RRM2: variants seen among roughly 807,000 people sequenced by gnomAD.
RRM2 encodes the protein ribonucleotide reductase regulatory subunit M2, also known as ribonucleoside-diphosphate reductase subunit M2.
Under a neutral mutation model 45.9 loss-of-function variants are expected in RRM2, and 6 were observed. That is an observed-to-expected ratio of 0.13 (90% CI 0.07 to 0.26). The LOEUF is 0.26. Among genes scored for constraint, RRM2 ranks in the 10% least tolerant of loss-of-function variants. RRM2 has a pLI of 1.00. For missense variants in RRM2, 343 were observed against 489.5 expected (o/e 0.70, Z 2.82); for synonymous variants, 177 against 173.0 (o/e 1.02, Z -0.18).
rs1360092432 is a variant in RRM2, at chr2:10,170,740, G to A, written n.482+28365G>A. 1.6e-4 allele frequency among the ~76,000 whole-genome samples: 24 copies of A among 152,246 alleles called. No individual in the cohort carries two copies. In the East Asian group the frequency reaches 3.9e-3, roughly 24 times the overall value. On this transcript the variant is annotated intron_variant and non_coding_transcript_variant, in intron 3 of 3. Coordinates refer to the RRM2 transcript ENST00000381786. Reference sequence around the variant, plus strand: ...GCTGGAAGGGGGTGTGCAGGCTCCCGTGTGCCTGGCACAGCAGGGGCAGCA... The same window carrying A: ...GCTGGAAGGGGGTGTGCAGGCTCCCATGTGCCTGGCACAGCAGGGGCAGCA...
At chr2:10,163,221 A>G (rs1663605330) in intron 3 of RRM2, among the ~76,000 whole-genome samples, 1 of 152,092 alleles carries the variant, frequency 6.6e-6, no homozygotes, top group South Asian at 2.1e-4. Flanking sequence ...AAATCAGGAC[A>G]ATTAGCTCTT....
At chr2:10,210,623 C>A in exon 4 of RRM2, 1 of 1,355,156 alleles carries the variant, frequency 7.4e-7, no homozygotes, top group Non-Finnish European at 9.8e-7. Context: ...CTTTCAATCA[C>A]ACCCACTGCC....
At chr2:10,143,027 C>G (rs750846818) in intron 3 of RRM2, among the ~76,000 whole-genome samples, 14 of 152,206 alleles carry the variant, frequency 9.2e-5, no homozygotes, top group East Asian at 3.8e-4. Flanking sequence ...GCGCCCACCA[C>G]CTCGCCTGGC....
chr2:10,140,746 T>C (rs1663064657), upstream of RRM2, among the ~76,000 whole-genome samples: 1 of 152,230 alleles, frequency 6.6e-6, no homozygotes, highest in Non-Finnish European at 1.5e-5. Context: ...GTGTCCCACG[T>C]GGAGAAATGA....
intron 3 of RRM2, among the ~76,000 whole-genome samples, chr2:10,174,008 C>A (rs1663862205): frequency 6.6e-6 from 1 of 152,168 alleles, no homozygotes; most frequent in Admixed American, 6.5e-5. Context: ...ATGTTGAGGC[C>A]CAAACCCCCA....
At chr2:10,157,009 C>T (rs1336276663) in intron 3 of RRM2, among the ~76,000 whole-genome samples, 1 of 129,402 alleles carries the variant, frequency 7.7e-6, no homozygotes, top group Non-Finnish European at 1.7e-5. Flanking sequence ...CTGAGCTCAG[C>T]CCATTTCTTT....
intron 3 of RRM2, among the ~76,000 whole-genome samples, chr2:10,188,885 A>G (rs762839998): frequency 6.6e-6 from 1 of 152,124 alleles, no homozygotes; most frequent in Non-Finnish European, 1.5e-5. Context: ...GTCAGAAGTC[A>G]TGAGTTCCCA....
chr2:10,135,001 C>T (rs1404984976), downstream of RRM2, among the ~76,000 whole-genome samples: 1 of 152,300 alleles, frequency 6.6e-6, no homozygotes, highest in Middle Eastern at 3.4e-3. Context: ...AATCATTAAA[C>T]GAATGTTTCA....
chr2:10,194,108 T>G (rs938760972), intron 3 of RRM2, among the ~76,000 whole-genome samples: 1 of 152,230 alleles, frequency 6.6e-6, no homozygotes, highest in Non-Finnish European at 1.5e-5. Flanking sequence ...ACGCCTCATT[T>G]CATCTTATGA....
intron 2 of RRM2, chr2:10,142,126 C>T: frequency 6.4e-7 from 1 of 1,566,972 alleles, no homozygotes; most frequent in Middle Eastern, 1.7e-4. Flanking sequence ...AGCGCAAAGG[C>T]CCTGTGGCAG....
At position 10,171,165 on chromosome 2, in the gene RRM2, G is replaced by A. The variant is rs186341576; in HGVS notation, n.482+28790G>A. 1.9e-4 allele frequency among the ~76,000 whole-genome samples: 29 copies of A among 152,364 alleles called. No individual in the cohort carries two copies. Among genetic ancestry groups the A allele is most frequent in the African/African-American group, 6.7e-4 (28 of 41,598 alleles). On this transcript the variant is annotated intron_variant and non_coding_transcript_variant, in intron 3 of 3. Transcript: ENST00000381786. This position sits in a 1 kb window ranked among gnomAD's most constrained non-coding sequence, Gnocchi z 4.1. ...GGCATCGAGCCTGCGATGGGGCAAC[G>A]TGTGGTGTGGAGGCCATACCCCTCC...
rs1663109551 is a variant in RRM2 at position 10,142,673 on chromosome 2, C to T, written n.482+298C>T. ...GCTCAGGCCCCCACCATGGCCAGATCCCCCACCCCACCTTCACCCTCCGCC... is the reference window on the plus strand; with the variant it reads ...GCTCAGGCCCCCACCATGGCCAGATTCCCCACCCCACCTTCACCCTCCGCC... On this transcript the variant is annotated intron_variant and non_coding_transcript_variant, in intron 3 of 3. Transcript: ENST00000381786. 3.3e-5 allele frequency among the ~76,000 whole-genome samples: 5 copies of T among 151,960 alleles called. No individual in the cohort carries two copies. In the South Asian group the frequency reaches 1.0e-3, roughly 31 times the overall value.
chr2:10,126,767 G>T (rs1662787413), intron 5 of RRM2, 108 bp from the exon 6 acceptor site: 1 of 769,358 alleles, frequency 1.3e-6, no homozygotes, highest in Non-Finnish European at 2.2e-6. Context: ...GAAGAGGATT[G>T]GCAAATACTT....
Position 10,126,766 on chromosome 2 carries a change from T to C in RRM2, c.570-109T>C, listed in dbSNP as rs904826453. 3.9e-6 allele frequency: 3 copies of C among 760,250 alleles called. No individual in the cohort carries two copies. In the African/African-American group the frequency reaches 5.2e-5, roughly 13 times the overall value. 47.1% of individuals were successfully genotyped at this position (760,250 alleles called of 1,614,324 possible). ...TGAGTTCTTCCTTTAGGAAGAGGATTGGCAAATACTTGAATTTGGCCTTTG... is the reference window on the plus strand; with the variant it reads ...TGAGTTCTTCCTTTAGGAAGAGGATCGGCAAATACTTGAATTTGGCCTTTG... On this transcript the variant is annotated intron_variant, in intron 5 of 9. Transcript: ENST00000304567.
intron 3 of RRM2, among the ~76,000 whole-genome samples, chr2:10,150,771 G>GTTTTTTTTTT (rs61292654): frequency 3.0e-4 from 28 of 92,798 alleles, no homozygotes; most frequent in African/African-American, 4.5e-4. Context: ...AGTGTGTTGT[G>GTTTTTTTTTT]TTTTTTTTTT....
intron 3 of RRM2, among the ~76,000 whole-genome samples, chr2:10,167,934 T>C (rs1051393271): frequency 2.0e-5 from 3 of 152,008 alleles, no homozygotes; most frequent in Admixed American, 2.0e-4. Context: ...AACTATAGTG[T>C]CAGGAGGAAA....
intron 3 of RRM2, among the ~76,000 whole-genome samples, chr2:10,146,697 A>AG (rs1663193897): frequency 6.6e-6 from 1 of 152,134 alleles, no homozygotes; most frequent in Admixed American, 6.5e-5. Flanking sequence ...TCAGGCCTTG[A>AG]GAGGGTGCCT....
rs773615566 is a variant in RRM2 at position 10,129,178 on chromosome 2, T to G, written c.1017+24T>G. On this transcript the variant is annotated intron_variant, in intron 9 of 9. Coordinates refer to ENST00000304567, the MANE Select transcript of RRM2 (RefSeq NM_001034.4). The surrounding 1 kb of genome is among the most constrained non-coding windows in gnomAD (Gnocchi z 4.8). ...AGGTAAAGTATTGTTTACATAGCCT[T>G]TTGCTTGTTTTGAAGCTGGTGCTCT... is the stretch of plus-strand genomic sequence containing the variant. 3 of 1,613,936 alleles carry G rather than the reference T, an allele frequency of 1.9e-6. No individual in the cohort carries two copies. Among genetic ancestry groups the G allele is most frequent in the South Asian group, 2.2e-5 (2 of 91,066 alleles).
intron 3 of RRM2, among the ~76,000 whole-genome samples, chr2:10,168,350 G>C (rs1475103252): frequency 6.6e-6 from 1 of 151,846 alleles, no homozygotes; most frequent in South Asian, 2.1e-4. Context: ...TAGCGGGTTC[G>C]AGAGATCTCC....
Sources: allele counts gnomAD v4.1 joint callset (sites outside exome capture counted in the v4.1 genomes callset), GRCh38; gene constraint gnomAD v4.1.1; non-coding constraint Gnocchi (gnomAD v3.1); transcripts MANE v1.5; gene names NCBI Gene and HGNC (gene_info 2026-07-23, HGNC 2026-07-21).